PDE3B: variants seen among roughly 807,000 people sequenced by gnomAD.
PDE3B encodes the protein phosphodiesterase 3B.
Under a neutral mutation model 116.8 loss-of-function variants are expected in PDE3B, and 66 were observed. The ratio of observed to expected loss-of-function variants is 0.56; its 90% confidence interval spans 0.46 to 0.69. The LOEUF (loss-of-function observed/expected upper bound fraction) is 0.69. Among genes scored for constraint, PDE3B ranks in the 30% least tolerant of loss-of-function variants. The probability of loss-of-function intolerance (pLI) is 0.00; values close to 1 mark genes in which losing one functional copy is unlikely to be tolerated. For missense variants in PDE3B, 1,384 were observed against 1,368.1 expected (o/e 1.01, Z -0.18); for synonymous variants, 595 against 533.6 (o/e 1.12, Z -1.59).
At chr11:14,710,329 G>C (rs1855666848) in intron 1 of PDE3B, among the ~76,000 whole-genome samples, 1 of 152,040 alleles carries the variant, frequency 6.6e-6, no homozygotes, top group African/African-American at 2.4e-5. Context: ...CATTATTTTT[G>C]GTTTCCTAGG....
At chr11:14,850,395 A>G (rs894164943) in intron 12 of PDE3B, among the ~76,000 whole-genome samples, 1 of 152,044 alleles carries the variant, frequency 6.6e-6, no homozygotes, top group Non-Finnish European at 1.5e-5. Flanking sequence ...GCTAAATGAC[A>G]AGTTAATGGG....
chr11:14,693,827 T>C (rs1252528474), intron 1 of PDE3B, among the ~76,000 whole-genome samples: 1 of 152,184 alleles, frequency 6.6e-6, no homozygotes, highest in Non-Finnish European at 1.5e-5. Context: ...CAAATCTTAT[T>C]ATTTCAGAAT....
intron 5 of PDE3B, among the ~76,000 whole-genome samples, chr11:14,812,819 T>G (rs1859189924): frequency 6.6e-6 from 1 of 152,206 alleles, no homozygotes; most frequent in African/African-American, 2.4e-5. Context: ...AAACTGCATA[T>G]TCATATCTCC....
chr11:14,891,007 C>T, the PDE3B span: 12 of 985,444 alleles, frequency 1.2e-5, no homozygotes, highest in Admixed American at 6.8e-4. Context: ...CATCTGCCAA[C>T]TCCTTAAAAG....
rs139256919 is a variant in PDE3B at position 14,733,419 on chromosome 11, G to A, written c.979-38518G>A. On this transcript the variant is annotated intron_variant, in intron 1 of 15. Transcript: ENST00000282096. ...CTCTCTTGTTTATTTCTTTGGATCC[G>A]TCAAAGTTGGAAATTGAACAGTATT... 4.5e-3 allele frequency among the ~76,000 whole-genome samples: 689 copies of A among 152,030 alleles called. 3 individuals carry two copies. Among genetic ancestry groups the A allele is most frequent in the African/African-American group, 0.015 (613 of 41,448 alleles).
intron 1 of PDE3B, among the ~76,000 whole-genome samples, chr11:14,664,184 T>A (rs929352983): frequency 3.3e-5 from 5 of 152,034 alleles, no homozygotes; most frequent in Non-Finnish European, 7.4e-5. Flanking sequence ...AATAATGAAA[T>A]GAAGGCAGAA....
At chr11:14,779,421 A>C (rs1024375601) in intron 2 of PDE3B, among the ~76,000 whole-genome samples, 53 of 152,250 alleles carry the variant, frequency 3.5e-4, no homozygotes, top group Non-Finnish European at 6.8e-4. Flanking sequence ...CCAGAGAGAA[A>C]GGTCGGGTTA....
At chr11:14,839,749 G>A (rs143284270) in intron 11 of PDE3B, among the ~76,000 whole-genome samples, 240 of 152,214 alleles carry the variant, frequency 1.6e-3, no homozygotes, top group African/African-American at 5.3e-3. Context: ...GTCTGTTCCC[G>A]TAAGTTATCA....
chr11:14,851,059 G>A (rs1031828952), intron 12 of PDE3B, among the ~76,000 whole-genome samples: 1 of 148,132 alleles, frequency 6.8e-6, no homozygotes, highest in Admixed American at 6.9e-5. Context: ...TCTTGACCTC[G>A]TGATCCGTCT....
intron 1 of PDE3B, among the ~76,000 whole-genome samples, chr11:14,663,852 A>G (rs1051186021): frequency 2.0e-5 from 3 of 152,168 alleles, no homozygotes; most frequent in African/African-American, 7.2e-5. Context: ...TCAACATTAG[A>G]TCAACAAGAC....
intron 5 of PDE3B, among the ~76,000 whole-genome samples, chr11:14,809,860 T>A (rs1859069132): frequency 6.6e-6 from 1 of 151,686 alleles, no homozygotes; most frequent in South Asian, 2.1e-4. Context: ...AGCAGCCAAG[T>A]TCTATTGTTT....
At chr11:14,801,834 A>G (rs1466131271) in intron 4 of PDE3B, among the ~76,000 whole-genome samples, 1 of 152,226 alleles carries the variant, frequency 6.6e-6, no homozygotes, top group Non-Finnish European at 1.5e-5. Context: ...TGCCCTGCCC[A>G]GAGTGGAGAA....
At chr11:14,846,717 C>G (rs954025206) in intron 12 of PDE3B, among the ~76,000 whole-genome samples, 3 of 151,960 alleles carry the variant, frequency 2.0e-5, no homozygotes, top group African/African-American at 7.3e-5. Context: ...AGACTTTAAA[C>G]CAACAAAGAT....
At chr11:14,752,886 A>T (rs1857090944) in intron 1 of PDE3B, among the ~76,000 whole-genome samples, 1 of 151,968 alleles carries the variant, frequency 6.6e-6, no homozygotes, top group Admixed American at 6.6e-5. Flanking sequence ...CTAGTATTCT[A>T]GTATAATCTG....
chr11:14,736,038 A>G (rs1338272426), intron 1 of PDE3B, among the ~76,000 whole-genome samples: 1 of 151,926 alleles, frequency 6.6e-6, no homozygotes, highest in Non-Finnish European at 1.5e-5. Flanking sequence ...ATGAAGGAAG[A>G]TAGTAGAAGA....
At chr11:14,853,775 G>A (rs1336104088) in intron 12 of PDE3B, among the ~76,000 whole-genome samples, 1 of 152,196 alleles carries the variant, frequency 6.6e-6, no homozygotes, top group Non-Finnish European at 1.5e-5. Context: ...GTATATCCTG[G>A]AGGAATGTCA....
At chr11:14,760,975 CTG>C (rs955513664) in intron 1 of PDE3B, among the ~76,000 whole-genome samples, 4 of 152,062 alleles carry the variant, frequency 2.6e-5, no homozygotes, top group African/African-American at 7.2e-5. Context: ...TTGTTCTTAA[CTG>C]TAATTTTCCT....
At chr11:14,791,437 C>A (rs2060794) in intron 4 of PDE3B, among the ~76,000 whole-genome samples, 1 of 151,762 alleles carries the variant, frequency 6.6e-6, no homozygotes, top group Admixed American at 6.6e-5. Context: ...CTTATTTCCC[C>A]GCACAATGCT....
At chr11:14,779,887 T>G (rs1647924145) in intron 2 of PDE3B, among the ~76,000 whole-genome samples, 1 of 148,728 alleles carries the variant, frequency 6.7e-6, no homozygotes, top group Admixed American at 6.7e-5. Context: ...TTGGATAGAG[T>G]AAAGACCCAT....
Sources: allele counts gnomAD v4.1 joint callset (sites outside exome capture counted in the v4.1 genomes callset), GRCh38; gene constraint gnomAD v4.1.1; transcripts MANE v1.5; gene names NCBI Gene and HGNC (gene_info 2026-07-23, HGNC 2026-07-21).